TRAPPC9: variants seen among roughly 807,000 people sequenced by gnomAD.
The protein encoded by TRAPPC9 is IKK2 binding protein.
A neutral mutation model predicts 124.0 loss-of-function variants in TRAPPC9; 83 were observed. The ratio of observed to expected loss-of-function variants is 0.67; its 90% CI spans 0.56 to 0.80. TRAPPC9 has a LOEUF of 0.80. TRAPPC9 is among the 30% of genes least tolerant of loss of function. TRAPPC9 has a pLI of 0.00. For synonymous variants in TRAPPC9, 638 were observed against 617.5 expected (o/e 1.03, Z -0.49); for missense variants, 1,302 against 1,508.3 (o/e 0.86, Z 2.27).
chr8:139,887,749 T>A (rs940685944), intron 20 of TRAPPC9, among the ~76,000 whole-genome samples: 1 of 152,222 alleles, frequency 6.6e-6, no homozygotes, highest in African/African-American at 2.4e-5. Flanking sequence ...CACGGTCATC[T>A]TCCTGTTACT....
At chr8:139,870,760 G>T (rs933124617) in intron 21 of TRAPPC9, among the ~76,000 whole-genome samples, 1 of 152,214 alleles carries the variant, frequency 6.6e-6, no homozygotes, top group African/African-American at 2.4e-5. Flanking sequence ...CATGGGGAGA[G>T]GATCAGGGTT....
At chr8:140,389,652 C>G (rs1292737687) in intron 7 of TRAPPC9, among the ~76,000 whole-genome samples, 1 of 152,144 alleles carries the variant, frequency 6.6e-6, no homozygotes, top group Non-Finnish European at 1.5e-5. Context: ...ACCAAACTTT[C>G]CTATTAAAAA....
intron 19 of TRAPPC9, among the ~76,000 whole-genome samples, chr8:139,955,412 C>T (rs1834907828): frequency 6.6e-6 from 1 of 151,996 alleles, no homozygotes; most frequent in Non-Finnish European, 1.5e-5. Flanking sequence ...GGGGCTCCTC[C>T]GAGATGGATC....
At chr8:139,889,050 T>A (rs1219568441) in intron 20 of TRAPPC9, among the ~76,000 whole-genome samples, 4 of 152,188 alleles carry the variant, frequency 2.6e-5, no homozygotes, top group Non-Finnish European at 5.9e-5. Context: ...CAACCAAAAG[T>A]CTGCCAACAG....
chr8:139,735,156 A>C (rs1157031967), intron 21 of TRAPPC9, among the ~76,000 whole-genome samples: 2 of 152,176 alleles, frequency 1.3e-5, no homozygotes, highest in African/African-American at 4.8e-5. Context: ...GACCAGAAGG[A>C]CCTGAGCTTG....
chr8:139,993,400 C>A (rs972909758), intron 18 of TRAPPC9, among the ~76,000 whole-genome samples: 2 of 152,152 alleles, frequency 1.3e-5, no homozygotes, highest in Non-Finnish European at 2.9e-5. Context: ...ATTTTTAAAG[C>A]GTCCCAGTAC....
intron 17 of TRAPPC9, among the ~76,000 whole-genome samples, chr8:140,057,053 A>T (rs1842325854): frequency 6.6e-6 from 1 of 152,246 alleles, no homozygotes; most frequent in African/African-American, 2.4e-5. Context: ...CATTTCTCCA[A>T]AGAAGACATA....
chr8:140,350,429 C>T (rs1365465279), intron 9 of TRAPPC9, among the ~76,000 whole-genome samples: 2 of 152,174 alleles, frequency 1.3e-5, no homozygotes, highest in South Asian at 2.1e-4. Context: ...AAACAGCCAT[C>T]GCAATGTGAC....
At chr8:140,349,675 C>T (rs2067486684) in intron 9 of TRAPPC9, among the ~76,000 whole-genome samples, 1 of 152,132 alleles carries the variant, frequency 6.6e-6, no homozygotes, top group African/African-American at 2.4e-5. Context: ...AGCGCTTGTG[C>T]CATGGGCTTT....
chr8:139,974,702 G>A (rs561974502), intron 19 of TRAPPC9, among the ~76,000 whole-genome samples: 7 of 152,020 alleles, frequency 4.6e-5, no homozygotes, highest in East Asian at 1.9e-4. Flanking sequence ...GCTGCCCACT[G>A]TGCCGGCTCC....
chr8:140,012,202 T>G (rs1168236058), intron 18 of TRAPPC9, among the ~76,000 whole-genome samples: 2 of 152,200 alleles, frequency 1.3e-5, no homozygotes, highest in Non-Finnish European at 1.5e-5. Flanking sequence ...ATCATCCTAC[T>G]ATTTATAGAT....
At chr8:140,338,048 T>C (rs1016001470) in intron 9 of TRAPPC9, among the ~76,000 whole-genome samples, 10 of 152,196 alleles carry the variant, frequency 6.6e-5, no homozygotes, top group African/African-American at 1.9e-4. Flanking sequence ...GAATATGCCA[T>C]TTCTTCCCCT....
intron 21 of TRAPPC9, among the ~76,000 whole-genome samples, chr8:139,798,793 C>T (rs1288814289): frequency 6.6e-6 from 1 of 152,212 alleles, no homozygotes; most frequent in African/African-American, 2.4e-5. Flanking sequence ...CAAATTACCA[C>T]AAACTTGGGG....
rs1040894710 is a variant in TRAPPC9, at chr8:139,825,768, G to A, written c.3055+60111C>T. The stretch of plus-strand genomic sequence containing the variant: ...CGGAAGGAAAAAGGGAGGCAATTCC[G>A]AAGAGCAGACGAGCCTCCGAGACAA... On this transcript the variant is annotated intron_variant, in intron 21 of 22. Transcript: ENST00000438773. The surrounding 1 kb of genome is among the most constrained non-coding windows in gnomAD (Gnocchi z 4.6). Among the ~76,000 whole-genome samples, 17 of 152,066 alleles carry A rather than the reference G, an allele frequency of 1.1e-4. No individual in the cohort carries two copies. The highest frequency in any genetic ancestry group is 2.5e-4 in the Non-Finnish European group (17 of 68,010).
At chr8:139,842,549 T>C (rs1220105315) in intron 21 of TRAPPC9, among the ~76,000 whole-genome samples, 2 of 152,172 alleles carry the variant, frequency 1.3e-5, no homozygotes, top group Non-Finnish European at 1.5e-5. Flanking sequence ...CGGCAGGCGA[T>C]TCATCACATT....
At chr8:140,225,015 A>G (rs2063415172) in intron 16 of TRAPPC9, among the ~76,000 whole-genome samples, 1 of 152,154 alleles carries the variant, frequency 6.6e-6, no homozygotes. Flanking sequence ...CATCCCCTAA[A>G]TGGGAATAAT....
intron 21 of TRAPPC9, among the ~76,000 whole-genome samples, chr8:139,853,017 C>G (rs1170803904): frequency 1.3e-5 from 2 of 152,218 alleles, no homozygotes; most frequent in African/African-American, 2.4e-5. Context: ...CGCAAAGGTT[C>G]TTTGTATCTT....
At chr8:140,156,206 A>G (rs975284279) in intron 17 of TRAPPC9, among the ~76,000 whole-genome samples, 2 of 152,234 alleles carry the variant, frequency 1.3e-5, no homozygotes, top group African/African-American at 4.8e-5. Context: ...CGTGTAGCCT[A>G]TGATCCCCTG....
At chr8:140,052,214 C>G in intron 17 of TRAPPC9, among the ~76,000 whole-genome samples, 1 of 14,366 alleles carries the variant, frequency 7.0e-5, no homozygotes, top group East Asian at 1.1e-3. Context: ...TTCTCCAAAA[C>G]AACAACAACA....
Sources: gnomAD v4.1 joint callset for allele counts (sites outside exome capture counted in the v4.1 genomes callset) on GRCh38, gnomAD v4.1.1 for gene constraint, Gnocchi (gnomAD v3.1) non-coding constraint, MANE v1.5 for transcripts, NCBI Gene and HGNC (gene_info 2026-07-23, HGNC 2026-07-21) for gene names.